SOAT1: variants seen among roughly 807,000 people sequenced by gnomAD.
SOAT1 encodes the protein sterol O-acyltransferase 1.
A neutral mutation model predicts 69.5 loss-of-function variants in SOAT1; 55 were observed. That is an observed-to-expected ratio of 0.79 (90% CI 0.64 to 0.99). The LOEUF (loss-of-function observed/expected upper bound fraction) is 0.99, where lower values mean the gene tolerates loss of function less well. Among genes scored for constraint, SOAT1 ranks in the 50% least tolerant of loss-of-function variants. The pLI is 0.00. For missense variants in SOAT1, 580 were observed against 669.3 expected (o/e 0.87, Z 1.47); for synonymous variants, 231 against 224.7 (o/e 1.03, Z -0.25).
intron 3 of SOAT1, among the ~76,000 whole-genome samples, chr1:179,331,958 T>C (rs1382361824): frequency 6.6e-6 from 1 of 152,234 alleles, no homozygotes; most frequent in Non-Finnish European, 1.5e-5. Context: ...GTGGAGTTAA[T>C]GTTCTTTAAA....
At chr1:179,348,764 G>GTA (rs1666618513) in intron 12 of SOAT1, 80 bp from the exon 13 acceptor site, 2 of 3,308 alleles carry the variant, frequency 6.0e-4, no homozygotes, top group Non-Finnish European at 2.0e-3. Flanking sequence ...GGTGGGATGT[G>GTA]TGTGTGTGTG....
At chr1:179,318,956 G>A (rs1665493330) in intron 2 of SOAT1, among the ~76,000 whole-genome samples, 1 of 152,080 alleles carries the variant, frequency 6.6e-6, no homozygotes. Context: ...TTTCTCTTGT[G>A]TATATACCTA....
At chr1:179,327,728 A>G (rs1665838427) in intron 3 of SOAT1, among the ~76,000 whole-genome samples, 1 of 152,206 alleles carries the variant, frequency 6.6e-6, no homozygotes, top group African/African-American at 2.4e-5. Context: ...AGATGTGTAG[A>G]TAGAGGAGCT....
rs565751807 is a variant in SOAT1, at chr1:179,318,293, G to GA, written c.119-5140dup. ...TTATAATGGTACCATGATTCAGTGT[G>GA]AAAATAAGAAACTGTCTCTAAATCT... On this transcript the variant is annotated intron_variant, in intron 2 of 15. Transcript: ENST00000367619. 2.0e-5 allele frequency among the ~76,000 whole-genome samples: 3 copies of GA among 152,122 alleles called. No homozygotes were observed. In the South Asian group the frequency reaches 6.2e-4, roughly 32 times the overall value.
At chr1:179,322,730 T>G (rs1222249055) in intron 2 of SOAT1, among the ~76,000 whole-genome samples, 1 of 152,176 alleles carries the variant, frequency 6.6e-6, no homozygotes, top group Non-Finnish European at 1.5e-5. Flanking sequence ...GGGTTATGAT[T>G]TCTTGGGGCA....
chr1:179,351,279 G>A (rs1194465929), intron 14 of SOAT1, 38 bp from the exon 15 acceptor site: 1 of 1,601,022 alleles, frequency 6.2e-7, no homozygotes, highest in African/African-American at 1.3e-5. Context: ...TCTGACCTCT[G>A]ATAACTGTAT....
In SOAT1 at chr1:179,342,960, C is replaced by A; in HGVS notation, c.941+17C>A. ...CTATCCCAGGTAATGGTACTGTGAA[C>A]CAGAAATGTGGTAAACACCAAAAGT... On this transcript the variant is annotated intron_variant, in intron 9 of 15. Transcript: ENST00000367619. 6.2e-7 allele frequency: 1 copy of A among 1,602,960 alleles called. No individual in the cohort carries two copies. Among genetic ancestry groups the A allele is most frequent in the Non-Finnish European group, 8.5e-7 (1 of 1,170,212 alleles).
chr1:179,351,531 A>T (rs1666733991), intron 15 of SOAT1, 69 bp downstream of exon 15: 3 of 1,448,918 alleles, frequency 2.1e-6, no homozygotes, highest in Non-Finnish European at 2.9e-6. Flanking sequence ...TTGGTGGGCA[A>T]TGTTGAGGAG....
At chr1:179,350,477 A>T in intron 14 of SOAT1, 46 bp downstream of exon 14, 1 of 1,558,586 alleles carries the variant, frequency 6.4e-7, no homozygotes, top group South Asian at 1.2e-5. Flanking sequence ...ATGCTAAAAA[A>T]GAAAACCAGA....
chr1:179,308,056 C>T (rs943750442), intron 2 of SOAT1, among the ~76,000 whole-genome samples: 8 of 152,220 alleles, frequency 5.3e-5, no homozygotes, highest in African/African-American at 1.2e-4. Context: ...TCCCAAAGTG[C>T]TGATATTACA....
intron 10 of SOAT1, among the ~76,000 whole-genome samples, chr1:179,344,678 T>C (rs1239046735): frequency 3.9e-5 from 6 of 152,068 alleles, no homozygotes; most frequent in Non-Finnish European, 8.8e-5. Context: ...CCGGCCATGT[T>C]ACGGGTTTTA....
chr1:179,351,021 CTTTTTTT>C (rs201449849), intron 14 of SOAT1, among the ~76,000 whole-genome samples: 21 of 127,586 alleles, frequency 1.6e-4, no homozygotes, highest in Non-Finnish European at 2.0e-4. Context: ...ATATTTCTTT[CTTTTTTT>C]TTTTTTTTTT....
intron 10 of SOAT1, 116 bp from the exon 11 acceptor site, chr1:179,344,831 T>C (rs1666469037): frequency 2.2e-6 from 2 of 905,774 alleles, no homozygotes; most frequent in Non-Finnish European, 3.5e-6. Flanking sequence ...TTAAATGGAA[T>C]ACATATGCGA....
chr1:179,344,705 G>T (rs992421503), intron 10 of SOAT1, among the ~76,000 whole-genome samples: 4 of 152,134 alleles, frequency 2.6e-5, no homozygotes, highest in Admixed American at 1.3e-4. Context: ...AGGAAAACAG[G>T]TTCCAAGAGT....
At position 179,338,064 on chromosome 1, in the gene SOAT1, A is replaced by G. The variant is rs1666218291; in HGVS notation, c.389+168A>G. Among the ~76,000 whole-genome samples the G allele has an allele frequency of 2.6e-5, 4 of 151,798 alleles. 1 individual carries two copies. In the South Asian group the frequency reaches 6.2e-4, roughly 24 times the overall value. On this transcript the variant is annotated intron_variant, in intron 5 of 15. Coordinates refer to ENST00000367619, the MANE Select transcript of SOAT1 (RefSeq NM_003101.6). ...CTCCTTTCTGATCTTTTGGTTCTGT[A>G]TCTAGTTTCAAAAGAGGAGTTAGGG...
rs1162588352 is a variant in SOAT1 at position 179,356,051 on chromosome 1, T to C, written c.*2410T>C. 1 of 152,208 alleles carries C rather than the reference T, an allele frequency of 6.6e-6. No individual in the cohort carries two copies. The highest frequency in any genetic ancestry group is 1.5e-5 in the Non-Finnish European group (1 of 68,030). The allele number at this position is 152,208 out of a possible 1,614,324, so 9.4% of individuals were successfully genotyped here. On this transcript the variant is annotated 3_prime_UTR_variant, in exon 16 of 16. Coordinates refer to ENST00000367619, the MANE Select transcript of SOAT1 (RefSeq NM_003101.6). ...CTTTTCTTGAAACCACCACCTATAC[T>C]CTTTAAACAAATAAAAACTAAAATC...
intron 1 of SOAT1, 38 bp from the exon 2 acceptor site, chr1:179,302,639 C>A: frequency 7.4e-7 from 1 of 1,344,498 alleles, no homozygotes; most frequent in Non-Finnish European, 1.0e-6. Flanking sequence ...AGTGTGAAAA[C>A]GGACTAATAC....
At chr1:179,350,244 G>C in intron 13 of SOAT1, 52 bp from the exon 14 acceptor site, 1 of 1,506,172 alleles carries the variant, frequency 6.6e-7, no homozygotes, top group Non-Finnish European at 9.1e-7. Flanking sequence ...TATAATCCAT[G>C]CTTGCTTTAA....
chr1:179,345,264 A>G (rs540367138), intron 11 of SOAT1, among the ~76,000 whole-genome samples, 188 bp downstream of exon 11: 3 of 152,280 alleles, frequency 2.0e-5, no homozygotes, highest in African/African-American at 7.2e-5. Context: ...TCAGTCTTTC[A>G]TCTTATGGCT....
Sources: allele counts gnomAD v4.1 joint callset (sites outside exome capture counted in the v4.1 genomes callset), GRCh38; gene constraint gnomAD v4.1.1; transcripts MANE v1.5; gene names NCBI Gene and HGNC (gene_info 2026-07-23, HGNC 2026-07-21).